The following TSC1 variants were observed in gnomAD, a reference collection of about 807,000 sequenced individuals.
The protein encoded by TSC1 is hamartin.
A neutral mutation model predicts 124.3 loss-of-function variants in TSC1; 20 were observed. The ratio of observed to expected loss-of-function variants is 0.16; its 90% CI spans 0.11 to 0.23. TSC1 has a LOEUF of 0.23. Among genes scored for constraint, TSC1 ranks in the 10% least tolerant of loss-of-function variants. The pLI is 1.00. For synonymous variants in TSC1, 493 were observed against 539.1 expected (o/e 0.91, Z 1.19); for missense variants, 1,124 against 1,448.5 (o/e 0.78, Z 3.64).
intron 12 of TSC1, chr9:132,910,301 CAAAAAAAAAAAA>C (rs10712193): frequency 4.2e-6 from 2 of 479,164 alleles, no homozygotes; most frequent in African/African-American, 3.0e-5. Flanking sequence ...ACCCTGTCTC[CAAAAAAAAAAAA>C]AAAAAAAAAA....
At chr9:132,939,243 G>A (rs999040622) in intron 1 of TSC1, 1 of 152,178 alleles carries the variant, frequency 6.6e-6, no homozygotes, top group Non-Finnish European at 1.5e-5. Context: ...AAAAGGGTAA[G>A]ATACTTGCTC....
In TSC1 at chr9:132,921,028, T is replaced by C. The variant is rs543613096; in HGVS notation, c.737+335A>G. Among the ~76,000 whole-genome samples the C allele has an allele frequency of 2.5e-4, 38 of 151,986 alleles. No homozygotes were observed. The highest frequency in any genetic ancestry group is 7.7e-4 in the African/African-American group (32 of 41,490). On this transcript the variant is annotated intron_variant, in intron 8 of 22. Transcript: ENST00000298552. This position sits in a 1 kb window ranked among gnomAD's most constrained non-coding sequence, Gnocchi z 4.3. ...CATTTTGCAAAGCCAGATTTATATA[T>C]ATGCTAAATTGTTTTTCTGCAGTCC...
intron 15 of TSC1, among the ~76,000 whole-genome samples, chr9:132,904,685 A>G (rs1263094695): frequency 6.6e-6 from 1 of 152,234 alleles, no homozygotes; most frequent in African/African-American, 2.4e-5. Flanking sequence ...AGCTTAACAC[A>G]GTCCTTTAAA....
intron 8 of TSC1, among the ~76,000 whole-genome samples, chr9:132,915,017 A>G (rs940032192): frequency 1.5e-4 from 22 of 142,316 alleles, no homozygotes; most frequent in African/African-American, 5.4e-4. Flanking sequence ...CCATCTCTAC[A>G]ACAACAACAA....
At position 132,923,180 on chromosome 9, in the gene TSC1, A is replaced by G. The variant is rs937048273; in HGVS notation, c.508+168T>C. On this transcript the variant is annotated intron_variant, in intron 6 of 22. Transcript: ENST00000298552. The surrounding 1 kb of genome is among the most constrained non-coding windows in gnomAD (Gnocchi z 4.2). ...TTATCTCAACAGTCATGTTTCTTCT[A>G]TGTGCCTGTAGTGGATGCACCCAAG... is the stretch of plus-strand genomic sequence containing the variant. Among the ~76,000 whole-genome samples the G allele has an allele frequency of 2.0e-5, 3 of 152,204 alleles. No individual in the cohort carries two copies. Among genetic ancestry groups the G allele is most frequent in the Non-Finnish European group, 2.9e-5 (2 of 68,030 alleles).
intron 1 of TSC1, among the ~76,000 whole-genome samples, chr9:132,940,363 T>C (rs895905667): frequency 4.6e-5 from 7 of 152,148 alleles, no homozygotes; most frequent in East Asian, 1.9e-4. Context: ...CAAAATCCCA[T>C]GTCTGTATGA....
chr9:132,936,726 T>C (rs749335923), intron 1 of TSC1, among the ~76,000 whole-genome samples: 2 of 152,206 alleles, frequency 1.3e-5, no homozygotes, highest in Non-Finnish European at 2.9e-5. Context: ...TCCTGGCACC[T>C]GGCACACAAG....
At chr9:132,938,708 C>T (rs1295907129) in intron 1 of TSC1, among the ~76,000 whole-genome samples, 21 of 152,126 alleles carry the variant, frequency 1.4e-4, no homozygotes, top group Non-Finnish European at 7.3e-5. Flanking sequence ...CTGCCCTAGC[C>T]AAGATGCATT....
chr9:132,910,750 C>T (rs1011224434), intron 11 of TSC1, 58 bp from the exon 12 acceptor site: 68 of 1,610,374 alleles, frequency 4.2e-5, no homozygotes, highest in African/African-American at 1.9e-4. Flanking sequence ...GAAAAACTGC[C>T]GATTTTTTTT....
chr9:132,910,301 CAAAAAAAAAAAAA>C (rs10712193), intron 12 of TSC1: 9 of 479,166 alleles, frequency 1.9e-5, no homozygotes, highest in Non-Finnish European at 3.2e-5. Flanking sequence ...ACCCTGTCTC[CAAAAAAAAAAAAA>C]AAAAAAAAAT....
chr9:132,925,832 C>G (rs1846830766), intron 4 of TSC1, 93 bp from the exon 5 acceptor site: 4 of 1,507,780 alleles, frequency 2.7e-6, no homozygotes, highest in Non-Finnish European at 3.7e-6. Context: ...TCTCTCAAGT[C>G]TTGTCTCTAA....
intron 18 of TSC1, 79 bp from the exon 19 acceptor site, chr9:132,901,778 A>T: frequency 6.9e-6 from 9 of 1,308,690 alleles, no homozygotes; most frequent in African/African-American, 1.4e-5. Flanking sequence ...ACCAGCCCAC[A>T]GAGGACTGGG....
At chr9:132,925,504 T>C in intron 5 of TSC1, 83 bp downstream of exon 5, 2 of 1,558,850 alleles carry the variant, frequency 1.3e-6, no homozygotes, top group Non-Finnish European at 8.8e-7. Context: ...AGTTAAAATC[T>C]AGCTTCCTTG....
intron 2 of TSC1, among the ~76,000 whole-genome samples, chr9:132,929,381 TAA>T (rs773857473): frequency 1.3e-5 from 2 of 152,246 alleles, no homozygotes; most frequent in Non-Finnish European, 1.5e-5. Context: ...CATCAATGGC[TAA>T]GAGTTAGTAT....
At chr9:132,911,193 C>A in intron 10 of TSC1, 80 bp from the exon 11 acceptor site, 1 of 1,202,232 alleles carries the variant, frequency 8.3e-7, no homozygotes, top group South Asian at 1.2e-5. Context: ...GGCCAGTGTT[C>A]AGCTTAAATT....
rs1041260199 is a variant in TSC1, at chr9:132,921,742, G to A, written c.663+77C>T. The stretch of plus-strand genomic sequence containing the variant: ...TCTTTTCAAAATTTCCCTGTCTGCC[G>A]TTAAATACAAAAGGTATAAATGCAG... On this transcript the variant is annotated intron_variant, in intron 7 of 22. Coordinates refer to ENST00000298552, the MANE Select transcript of TSC1 (RefSeq NM_000368.5). This position sits in a 1 kb window ranked among gnomAD's most constrained non-coding sequence, Gnocchi z 4.3. The A allele has an allele frequency of 2.7e-5, 43 of 1,578,210 alleles. 1 individual carries two copies. The highest frequency in any genetic ancestry group is 8.1e-5 in the African/African-American group (6 of 74,158).
rs1391253007 is a variant in TSC1, at chr9:132,892,532, G to C, written c.*3703C>G. 1 of 233,324 alleles carries C rather than the reference G, an allele frequency of 4.3e-6. No homozygotes were observed. Among genetic ancestry groups the C allele is most frequent in the African/African-American group, 2.2e-5 (1 of 45,360 alleles). 14.5% of individuals were successfully genotyped at this position (233,324 alleles called of 1,614,324 possible). On this transcript the variant is annotated 3_prime_UTR_variant, in exon 23 of 23. Transcript: ENST00000298552. ...CCCCTGGGGGAACAACTCTCCAAGA[G>C]TATCCGCAGGAGGTGGGCGGCACCC...
intron 9 of TSC1, among the ~76,000 whole-genome samples, chr9:132,912,074 A>G (rs1186179788): frequency 1.3e-5 from 2 of 152,206 alleles, no homozygotes; most frequent in Non-Finnish European, 2.9e-5. Context: ...TTGGCATACA[A>G]TCAGGTAGCA....
intron 2 of TSC1, among the ~76,000 whole-genome samples, chr9:132,933,450 T>C (rs1389762727): frequency 1.3e-5 from 2 of 152,216 alleles, no homozygotes; most frequent in African/African-American, 2.4e-5. Flanking sequence ...TGGGGTTTTT[T>C]TTGTTTCAAA....
Sources: gnomAD v4.1 joint callset for allele counts (sites outside exome capture counted in the v4.1 genomes callset) on GRCh38, gnomAD v4.1.1 for gene constraint, Gnocchi (gnomAD v3.1) non-coding constraint, MANE v1.5 for transcripts, NCBI Gene and HGNC (gene_info 2026-07-23, HGNC 2026-07-21) for gene names.